The following TSR1 variants were observed in gnomAD, a reference collection of about 807,000 sequenced individuals.
TSR1 encodes pre-rRNA-processing protein TSR1 homolog.
In TSR1, 81 loss-of-function variants were observed where a neutral mutation model predicts 90.9. The observed-to-expected ratio is 0.89, with a 90% CI of 0.74 to 1.07. The LOEUF (loss-of-function observed/expected upper bound fraction) is 1.07, where lower values mean the gene tolerates loss of function less well. Ranked by LOEUF, TSR1 falls within the 50% of genes least tolerant of loss-of-function variation. The pLI is 0.00. For synonymous variants in TSR1, 362 were observed against 348.8 expected, an observed-to-expected ratio of 1.04 and a Z score of -0.42; for missense variants, 989 against 987.3, an observed-to-expected ratio of 1.00 and a Z score of -0.02.
At chr17:2,335,473 A>G (rs753762833) in intron 3 of TSR1, 38 bp downstream of exon 3, 1 of 1,598,050 alleles carries the variant, frequency 6.3e-7, no homozygotes, top group African/African-American at 1.4e-5. Context: ...AAATACCACT[A>G]CTCAAACATA....
At chr17:2,333,486 C>T (rs766814220) in intron 6 of TSR1, 71 bp downstream of exon 6, 128 of 1,598,230 alleles carry the variant, frequency 8.0e-5, no homozygotes, top group Non-Finnish European at 1.0e-4. Flanking sequence ...ATAGGGCCCT[C>T]ACTTGGAACA....
At chr17:2,335,993 G>A (rs2064068965) in intron 2 of TSR1, 44 bp downstream of exon 2, 1 of 1,597,944 alleles carries the variant, frequency 6.3e-7, no homozygotes, top group African/African-American at 1.3e-5. Flanking sequence ...TAGCCACCTA[G>A]AACACCAGAG....
Position 2,323,523 on chromosome 17 carries a change from A to G in TSR1, c.*673T>C. On this transcript the variant is annotated 3_prime_UTR_variant, in exon 15 of 15. Transcript: ENST00000301364. ...TTGACAGAAGCAGAGTCAGAATTAA[A>G]GAAAAGCTTTGGGAAGCGTGTGTAC... The G allele has an allele frequency of 8.5e-7, 1 of 1,180,294 alleles. No individual in the cohort carries two copies. Among genetic ancestry groups the G allele is most frequent in the Non-Finnish European group, 1.2e-6 (1 of 831,644 alleles). The allele number at this position is 1,180,294 out of a possible 1,614,324, so 73.1% of individuals were successfully genotyped here.
rs1455285565 is a variant in TSR1, at chr17:2,326,052, G to A, written c.1904-632C>T. Among the ~76,000 whole-genome samples the A allele has an allele frequency of 5.3e-5, 8 of 152,194 alleles. No individual in the cohort carries two copies. The East Asian group carries it at 1.5e-3, about 29-fold the overall frequency. ...AGTGATTCTTCTGCCTCAGGCTCCC[G>A]AATAGCTGGAATTGCAGGTGCCTGA... On this transcript the variant is annotated intron_variant, in intron 11 of 14. Transcript: ENST00000301364.
At chr17:2,333,834 G>A in intron 5 of TSR1, 118 bp from the exon 6 acceptor site, 1 of 1,284,282 alleles carries the variant, frequency 7.8e-7, no homozygotes, top group Non-Finnish European at 1.1e-6. Flanking sequence ...GCGACAGAAT[G>A]CTAAAACTTG....
In TSR1 at chr17:2,329,330, C is replaced by T. The variant is rs2075592244; in HGVS notation, c.1903+13G>A. The stretch of plus-strand genomic sequence containing the variant: ...GACAAGATGGACAAGAACCCAGCTT[C>T]CCCATTGCTAACCTGCAGTGTGCTG... On this transcript the variant is annotated intron_variant, in intron 11 of 14. Transcript: ENST00000301364. 1.2e-6 allele frequency: 2 copies of T among 1,613,540 alleles called. No individual in the cohort carries two copies. The highest frequency in any genetic ancestry group is 2.2e-5 in the South Asian group (2 of 91,086).
At position 2,323,756 on chromosome 17, in the gene TSR1, C is replaced by T. The variant is rs1331684517; in HGVS notation, c.*440G>A. 11 of 1,614,116 alleles carry T rather than the reference C, an allele frequency of 6.8e-6. 1 individual carries two copies. The highest frequency in any genetic ancestry group is 3.3e-5 in the Admixed American group (2 of 60,004). On this transcript the variant is annotated 3_prime_UTR_variant, in exon 15 of 15. Transcript: ENST00000301364. ...TGTCTCAACATTTTCAAACTGTTTCCCCAGAAGTAAAGAACATTTGTATTG... is the reference window on the plus strand; with the variant it reads ...TGTCTCAACATTTTCAAACTGTTTCTCCAGAAGTAAAGAACATTTGTATTG...
At chr17:2,328,185 G>C (rs1050862003) in intron 11 of TSR1, among the ~76,000 whole-genome samples, 3 of 143,072 alleles carry the variant, frequency 2.1e-5, no homozygotes, top group African/African-American at 8.0e-5. Flanking sequence ...AGAGGTTGCA[G>C]TGAGCCTGGA....
chr17:2,334,914 A>G lies in TSR1; in HGVS notation c.557-18T>C. The G allele has an allele frequency of 6.3e-7, 1 of 1,597,762 alleles. No individual in the cohort carries two copies. Among genetic ancestry groups the G allele is most frequent in the Non-Finnish European group, 8.5e-7 (1 of 1,173,334 alleles). On this transcript the variant is annotated intron_variant, in intron 4 of 14. Coordinates refer to ENST00000301364, the MANE Select transcript of TSR1 (RefSeq NM_018128.5). ...AGCTAGTGCTGTAAGCGAAAGAGAA[A>G]ACGCTTCATGACCTACTGCTTCATT...
chr17:2,324,863 T>A (rs774216016), intron 12 of TSR1, 34 bp from the exon 13 acceptor site: 7 of 1,588,756 alleles, frequency 4.4e-6, no homozygotes, highest in Non-Finnish European at 6.0e-6. Context: ...TATTTAGGAA[T>A]TTACAGGCCA....
chr17:2,329,732 A>T (rs2075594440), intron 10 of TSR1, among the ~76,000 whole-genome samples: 1 of 152,106 alleles, frequency 6.6e-6, no homozygotes, highest in African/African-American at 2.4e-5. Context: ...CTAACAGAAA[A>T]GAGCTCAACA....
intron 11 of TSR1, 57 bp downstream of exon 11, chr17:2,329,286 A>G: frequency 6.2e-7 from 1 of 1,611,712 alleles, no homozygotes; most frequent in Non-Finnish European, 8.5e-7. Context: ...CCCCTCCACC[A>G]CAAGTCACTT....
At chr17:2,330,719 A>C (rs139815441) in intron 9 of TSR1, 94 bp from the exon 10 acceptor site, 3 of 1,353,048 alleles carry the variant, frequency 2.2e-6, no homozygotes, top group African/African-American at 2.9e-5. Context: ...CTCTCAGATA[A>C]AATTTTTAAA....
chr17:2,334,551 T>C lies in TSR1; in HGVS notation c.902A>G (p.Gln301Arg), dbSNP rs748362802. 6.2e-7 allele frequency: 1 copy of C among 1,614,106 alleles called. No individual in the cohort carries two copies. Among genetic ancestry groups the C allele is most frequent in the African/African-American group, 1.3e-5 (1 of 74,944 alleles). ...IVGYGDFQMK[Q>R]IDAPGDPFPL... Reference sequence around the variant, plus strand: ...GAAAGGGTCTCCGGGGGCATCTATCTGTTTCATCTGGAAATCACCATATCC... The same window carrying C: ...GAAAGGGTCTCCGGGGGCATCTATCCGTTTCATCTGGAAATCACCATATCC... Residue 301 changes from glutamine to arginine, a missense_variant, in exon 5 of 15, where the codon CAG becomes CGG. By Grantham distance (43) the Gln-to-Arg change is conservative. Coordinates refer to ENST00000301364, the MANE Select transcript of TSR1 (RefSeq NM_018128.5).
chr17:2,325,423 G>A lies in TSR1; in HGVS notation c.1904-3C>T, dbSNP rs200227834. ...TCTCTGCAATTTATGTTTGTCCGCTGCCATAAGGGTTAAAAAATGAAAAGC... is the reference window on the plus strand; with the variant it reads ...TCTCTGCAATTTATGTTTGTCCGCTACCATAAGGGTTAAAAAATGAAAAGC... On this transcript the variant is annotated splice_region_variant and splice_polypyrimidine_tract_variant and intron_variant, in intron 11 of 14. Coordinates refer to ENST00000301364, the MANE Select transcript of TSR1 (RefSeq NM_018128.5). 6.2e-7 allele frequency: 1 copy of A among 1,602,856 alleles called. No homozygotes were observed. Among genetic ancestry groups the A allele is most frequent in the Non-Finnish European group, 8.5e-7 (1 of 1,175,874 alleles).
intron 8 of TSR1, 94 bp from the exon 9 acceptor site, chr17:2,331,203 A>G (rs1286177769): frequency 1.9e-6 from 2 of 1,073,878 alleles, no homozygotes; most frequent in Non-Finnish European, 2.6e-6. Flanking sequence ...GAGCTAGCTG[A>G]AAAGAACTCC....
intron 12 of TSR1, 64 bp from the exon 13 acceptor site, chr17:2,324,893 A>T: frequency 1.9e-6 from 3 of 1,540,140 alleles, no homozygotes; most frequent in Non-Finnish European, 2.6e-6. Flanking sequence ...TTTATTGCCC[A>T]GTCCATTTAA....
chr17:2,335,890 A>G (rs1389199850), intron 2 of TSR1, 147 bp downstream of exon 2: 5 of 1,206,882 alleles, frequency 4.1e-6, no homozygotes, highest in Non-Finnish European at 5.8e-6. Context: ...TGACCAAAGC[A>G]AAGAATGCTA....
rs752673642 is a variant in TSR1, at chr17:2,332,144, TTTGTTGATAGAC to T, written c.1496+13_1496+24del. On this transcript the variant is annotated intron_variant, in intron 8 of 14. Transcript: ENST00000301364. ...TAAAAACGTATTGACTGAATTTAGA[TTTGTTGATAGAC>T]TTGTTGACTAACCGAATTCGAGCAG... The T allele has an allele frequency of 1.9e-5, 31 of 1,598,920 alleles. No homozygotes were observed. Among genetic ancestry groups the T allele is most frequent in the Admixed American group, 1.1e-4 (6 of 54,790 alleles).
Sources: gnomAD v4.1 joint callset for allele counts (sites outside exome capture counted in the v4.1 genomes callset) on GRCh38, gnomAD v4.1.1 for gene constraint, MANE v1.5 for transcripts, NCBI Gene and HGNC (gene_info 2026-07-23, HGNC 2026-07-21) for gene names.